NRXN3: variants seen among roughly 807,000 people sequenced by gnomAD.
NRXN3 encodes the protein neurexin 3.
Under a neutral mutation model 137.6 loss-of-function variants are expected in NRXN3, and 32 were observed. The observed-to-expected ratio is 0.23, with a 90% CI of 0.18 to 0.31. The LOEUF (loss-of-function observed/expected upper bound fraction) is 0.31. NRXN3 is among the 10% of genes least tolerant of loss of function. NRXN3 has a pLI of 1.00. For missense variants in NRXN3, 1,574 were observed against 2,062.5 expected (o/e 0.76, Z 4.59); for synonymous variants, 798 against 784.5 (o/e 1.02, Z -0.29).
chr14:79,182,057 A>G (rs998106277), intron 15 of NRXN3, among the ~76,000 whole-genome samples: 10 of 152,152 alleles, frequency 6.6e-5, no homozygotes, highest in Non-Finnish European at 1.5e-4. Flanking sequence ...ACTCCTAGTT[A>G]TAATCATGGT....
At chr14:78,547,747 T>G (rs893079262) in intron 4 of NRXN3, among the ~76,000 whole-genome samples, 5 of 151,998 alleles carry the variant, frequency 3.3e-5, no homozygotes, top group African/African-American at 1.2e-4. Flanking sequence ...ATAGAAATAT[T>G]TTTCTCATTT....
intron 17 of NRXN3, among the ~76,000 whole-genome samples, chr14:79,675,081 C>G (rs555980892): frequency 5.8e-4 from 89 of 152,166 alleles, no homozygotes; most frequent in African/African-American, 2.1e-3. Context: ...GAAACGAAGT[C>G]TGAGTGGTTA....
chr14:79,634,053 T>C (rs190505617), intron 16 of NRXN3, among the ~76,000 whole-genome samples: 1 of 152,224 alleles, frequency 6.6e-6, no homozygotes, highest in East Asian at 1.9e-4. Context: ...TTTGCTATCC[T>C]CACGAAAGAG....
rs1167889563 is a variant in NRXN3, at chr14:78,731,863, A to T, written c.2044+16724A>T. Among the ~76,000 whole-genome samples the T allele has an allele frequency of 4.7e-5, 4 of 84,764 alleles. No homozygotes were observed. In the East Asian group the frequency reaches 1.7e-3, roughly 36 times the overall value. 55.6% of individuals were successfully genotyped at this position (84,764 alleles called of 152,430 possible). ...CAGTGTTATATGATCTTTGTCTCAA[A>T]TCATAAAATCTTGAAAAACGTGATT... On this transcript the variant is annotated intron_variant, in intron 8 of 20. Transcript: ENST00000335750.
intron 8 of NRXN3, among the ~76,000 whole-genome samples, chr14:78,775,643 A>G (rs1292086192): frequency 2.0e-5 from 3 of 152,324 alleles, no homozygotes; most frequent in East Asian, 1.9e-4. Flanking sequence ...TGCTAGGTCA[A>G]TAAGTATCTC....
chr14:79,765,282 G>A (rs907664039), intron 19 of NRXN3, among the ~76,000 whole-genome samples: 21 of 152,310 alleles, frequency 1.4e-4, no homozygotes, highest in African/African-American at 4.1e-4. Flanking sequence ...ACCAATGGGT[G>A]AGTATAATAA....
chr14:78,521,528 T>C (rs1296170967), intron 4 of NRXN3, among the ~76,000 whole-genome samples: 1 of 152,312 alleles, frequency 6.6e-6, no homozygotes, highest in African/African-American at 2.4e-5. Context: ...ATTTTTACAA[T>C]GGCCACTTAG....
intron 15 of NRXN3, among the ~76,000 whole-genome samples, chr14:79,406,833 TTA>T (rs1347341426): frequency 1.3e-5 from 2 of 152,160 alleles, no homozygotes; most frequent in Admixed American, 6.5e-5. Context: ...AAAGGATTAT[TTA>T]TGTTTTATTT....
At chr14:79,049,297 G>GAAT (rs1267115993) in intron 15 of NRXN3, among the ~76,000 whole-genome samples, 2 of 151,964 alleles carry the variant, frequency 1.3e-5, no homozygotes, top group Non-Finnish European at 2.9e-5. Flanking sequence ...AATGTTCACA[G>GAAT]AATCTTCACC....
chr14:79,652,079 A>G (rs927912206), intron 16 of NRXN3, among the ~76,000 whole-genome samples: 5 of 152,190 alleles, frequency 3.3e-5, no homozygotes, highest in Admixed American at 3.3e-4. Context: ...AGAGGTGCTT[A>G]GATTCTACTG....
intron 1 of NRXN3, among the ~76,000 whole-genome samples, chr14:78,225,491 T>C (rs1486527451): frequency 6.6e-6 from 1 of 152,204 alleles, no homozygotes; most frequent in African/African-American, 2.4e-5. Context: ...TTGTAGATTC[T>C]GGATATTAGC....
chr14:79,847,994 T>G (rs2067730), intron 20 of NRXN3, among the ~76,000 whole-genome samples: 22,776 of 152,076 alleles, frequency 0.15, 1,902 homozygotes, highest in Middle Eastern at 0.2. Flanking sequence ...GCTAAATCTT[T>G]ATGCTTATTT....
chr14:79,713,672 A>G (rs967376156), intron 19 of NRXN3, among the ~76,000 whole-genome samples: 1 of 142,010 alleles, frequency 7.0e-6, no homozygotes, highest in Non-Finnish European at 1.5e-5. Flanking sequence ...TTACTGTACC[A>G]CCAATTCCCT....
At chr14:78,298,010 T>A (rs1597012909) in intron 4 of NRXN3, 150 bp downstream of exon 4, 1 of 773,990 alleles carries the variant, frequency 1.3e-6, no homozygotes, top group Admixed American at 2.8e-5. Flanking sequence ...CACCCTGCAG[T>A]GGGGGTGGGG....
At chr14:78,595,609 G>A (rs2097152083) in intron 4 of NRXN3, among the ~76,000 whole-genome samples, 1 of 152,132 alleles carries the variant, frequency 6.6e-6, no homozygotes, top group African/African-American at 2.4e-5. Context: ...CTTTGACCCA[G>A]ATCCTATTCT....
At chr14:79,167,352 AG>A (rs550261159) in intron 15 of NRXN3, among the ~76,000 whole-genome samples, 252 of 152,024 alleles carry the variant, frequency 1.7e-3, no homozygotes, top group Middle Eastern at 6.8e-3. Context: ...TGGGGTAAGG[AG>A]GAGGTAACTA....
chr14:78,179,834 G>GT (rs1325344906), intron 1 of NRXN3, among the ~76,000 whole-genome samples: 4,590 of 110,986 alleles, frequency 0.041, 213 homozygotes, highest in Non-Finnish European at 0.064. Context: ...GTTTGTTTCT[G>GT]TTTTTTTGTT....
chr14:79,037,935 A>T (rs2099618826), intron 15 of NRXN3, among the ~76,000 whole-genome samples: 1 of 151,860 alleles, frequency 6.6e-6, no homozygotes, highest in Admixed American at 6.6e-5. Context: ...GATTTGAATG[A>T]CTCTAGTGAA....
chr14:79,084,486 A>G (rs2047696720), intron 15 of NRXN3, among the ~76,000 whole-genome samples: 1 of 152,178 alleles, frequency 6.6e-6, no homozygotes, highest in East Asian at 1.9e-4. Flanking sequence ...ATAAATAATA[A>G]AAAAGTACTG....
Sources: allele counts gnomAD v4.1 joint callset (sites outside exome capture counted in the v4.1 genomes callset), GRCh38; gene constraint gnomAD v4.1.1; transcripts MANE v1.5; gene names NCBI Gene and HGNC (gene_info 2026-07-23, HGNC 2026-07-21).